Variants in OIT3 observed in about 807,000 individuals in gnomAD.
The protein encoded by OIT3 is oncoprotein-induced transcript 3 protein.
A neutral mutation model predicts 52.2 loss-of-function variants in OIT3; 41 were observed. That is an observed-to-expected ratio of 0.79 (90% CI 0.61 to 1.02). OIT3 has a LOEUF of 1.02. Ranked by LOEUF, OIT3 falls within the 50% of genes least tolerant of loss-of-function variation. OIT3 has a pLI of 0.00. For synonymous variants in OIT3, 244 were observed against 276.9 expected, an observed-to-expected ratio of 0.88 and a Z score of 1.18; for missense variants, 634 against 715.5, an observed-to-expected ratio of 0.89 and a Z score of 1.30.
chr10:72,920,004 A>G (rs1846107921), intron 6 of OIT3, among the ~76,000 whole-genome samples: 1 of 152,170 alleles, frequency 6.6e-6, no homozygotes, highest in African/African-American at 2.4e-5. Flanking sequence ...ATTTTTTGAA[A>G]TAGTTTCAGT....
intron 7 of OIT3, 89 bp from the exon 8 acceptor site, chr10:72,930,449 G>T (rs775832712): frequency 4.2e-6 from 4 of 954,924 alleles, no homozygotes; most frequent in Non-Finnish European, 6.8e-6. Context: ...CACCCCTTTG[G>T]CTCTCCTTGG....
At chr10:72,916,443 G>A (rs556439484) in intron 6 of OIT3, among the ~76,000 whole-genome samples, 1 of 152,246 alleles carries the variant, frequency 6.6e-6, no homozygotes, top group East Asian at 1.9e-4. Context: ...TTCTGTTCCT[G>A]TGTTAGTTGG....
intron 7 of OIT3, among the ~76,000 whole-genome samples, chr10:72,929,185 G>A (rs1846193722): frequency 6.6e-6 from 1 of 151,964 alleles, no homozygotes; most frequent in Non-Finnish European, 1.5e-5. Flanking sequence ...CTGGGCAACA[G>A]TGAGACCCTG....
intron 5 of OIT3, among the ~76,000 whole-genome samples, 172 bp downstream of exon 5, chr10:72,912,011 T>A (rs1477185777): frequency 2.6e-5 from 4 of 152,158 alleles, no homozygotes; most frequent in Admixed American, 1.3e-4. Context: ...ACAGAGAAGA[T>A]CTCTAAGAAA....
At chr10:72,910,935 A>C (rs1846023349) in intron 4 of OIT3, among the ~76,000 whole-genome samples, 1 of 152,226 alleles carries the variant, frequency 6.6e-6, no homozygotes, top group Non-Finnish European at 1.5e-5. Flanking sequence ...GCAGATTAGA[A>C]TTTGACAACC....
intron 1 of OIT3, 44 bp downstream of exon 1, chr10:72,893,903 T>G: frequency 2.0e-6 from 3 of 1,479,600 alleles, no homozygotes; most frequent in Non-Finnish European, 2.8e-6. Flanking sequence ...CTTTTTGTTG[T>G]GGCAATTTGC....
chr10:72,914,801 A>C (rs1391098520), intron 6 of OIT3, among the ~76,000 whole-genome samples: 1 of 152,162 alleles, frequency 6.6e-6, no homozygotes, highest in Non-Finnish European at 1.5e-5. Context: ...TTCTGCATAG[A>C]TCAGGTATTA....
At chr10:72,927,090 T>C (rs1395279442) in intron 7 of OIT3, among the ~76,000 whole-genome samples, 1 of 152,196 alleles carries the variant, frequency 6.6e-6, no homozygotes, top group Non-Finnish European at 1.5e-5. Context: ...TGAAACTTAT[T>C]TATATATGCA....
Position 72,906,632 on chromosome 10 carries a change from G to A in OIT3, c.581G>A (p.Ser194Asn). 1.2e-6 allele frequency: 2 copies of A among 1,613,954 alleles called. No homozygotes were observed. Among genetic ancestry groups the A allele is most frequent in the South Asian group, 1.1e-5 (1 of 91,066 alleles). ...NECEQNNGGC[S>N]EICVNLKNSY... ...TGTGAGCAAAACAACGGTGGCTGCA[G>A]TGAGATCTGTGTGAACCTCAAAAAC... The change falls in exon 4 of 9, where the codon AGT (serine) becomes AAT (asparagine). Residue 194 changes from serine (S) to asparagine (N), a missense_variant. Physicochemically the swap from Ser to Asn is conservative, Grantham distance 46 (BLOSUM62 1). Coordinates refer to ENST00000334011, the MANE Select transcript of OIT3 (RefSeq NM_152635.3).
At chr10:72,900,639 C>A (rs577001131) in intron 3 of OIT3, among the ~76,000 whole-genome samples, 155 bp downstream of exon 3, 1 of 152,294 alleles carries the variant, frequency 6.6e-6, no homozygotes, top group South Asian at 2.1e-4. Flanking sequence ...CCGAAAGCCC[C>A]ACGCCAAATT....
chr10:72,899,703 TGATAGATAGATAGATAGATAGATA>T (rs373777568), intron 2 of OIT3, among the ~76,000 whole-genome samples: 34 of 144,958 alleles, frequency 2.3e-4, no homozygotes, highest in South Asian at 1.1e-3. Flanking sequence ...GATAGATAGA[TGATAGATAGATAGATAGATAGATA>T]GATAGATAGA....
intron 8 of OIT3, among the ~76,000 whole-genome samples, chr10:72,930,857 C>A (rs372664371): frequency 6.6e-6 from 1 of 151,876 alleles, no homozygotes; most frequent in Admixed American, 6.6e-5. Flanking sequence ...ATACCACCTG[C>A]CAAAATAACT....
Position 72,895,354 on chromosome 10 carries a change from C to T in OIT3, c.61+1495C>T, listed in dbSNP as rs958156996. On this transcript the variant is annotated intron_variant, in intron 1 of 8. Transcript: ENST00000334011. ...TCTAGTACCTCCTATATTCCCCATT[C>T]TTTCCATATACCATCGCCCTTCCCA... Among the ~76,000 whole-genome samples the T allele has an allele frequency of 9.8e-5, 15 of 152,310 alleles. 1 individual carries two copies. The South Asian group carries it at 3.1e-3, about 32-fold the overall frequency.
At chr10:72,918,533 A>T in intron 6 of OIT3, 1 of 1,414,900 alleles carries the variant, frequency 7.1e-7, no homozygotes, top group Non-Finnish European at 9.9e-7. Flanking sequence ...CGAATCTTCC[A>T]TCGGGTGGCG....
intron 2 of OIT3, 50 bp downstream of exon 2, chr10:72,899,088 G>T: frequency 6.5e-7 from 1 of 1,532,654 alleles, no homozygotes; most frequent in Non-Finnish European, 8.8e-7. Context: ...GCCACAGGTG[G>T]AGTCCAAAAG....
At chr10:72,929,866 T>G (rs1242764709) in intron 7 of OIT3, among the ~76,000 whole-genome samples, 1 of 152,162 alleles carries the variant, frequency 6.6e-6, no homozygotes, top group Non-Finnish European at 1.5e-5. Flanking sequence ...TTCCCCCAGC[T>G]AACCCTGAAG....
At chr10:72,895,278 C>T (rs945369756) in intron 1 of OIT3, among the ~76,000 whole-genome samples, 2 of 152,148 alleles carry the variant, frequency 1.3e-5, no homozygotes, top group African/African-American at 4.8e-5. Flanking sequence ...GTTGTCCTCC[C>T]GAAAATCTCC....
At chr10:72,909,730 G>A (rs1186195253) in intron 4 of OIT3, among the ~76,000 whole-genome samples, 1 of 152,028 alleles carries the variant, frequency 6.6e-6, no homozygotes, top group Non-Finnish European at 1.5e-5. Context: ...CCCAGTAGCT[G>A]GGATTATAGG....
rs200331368 is a variant in OIT3, at chr10:72,909,471, TG to T, written c.668-2245del. Among the ~76,000 whole-genome samples, 1,432 of 152,220 alleles carry T rather than the reference TG, an allele frequency of 9.4e-3. 22 individuals carry two copies. The highest frequency in any genetic ancestry group is 0.033 in the African/African-American group (1,360 of 41,540). The stretch of plus-strand genomic sequence containing the variant: ...TATTTGTCCCATCTTTATGTCTGTG[TG>T]TACCCATTGTTTAGCTCTCACTTAC... On this transcript the variant is annotated intron_variant, in intron 4 of 8. Coordinates refer to ENST00000334011, the MANE Select transcript of OIT3 (RefSeq NM_152635.3).
Sources: gnomAD v4.1 joint callset for allele counts (sites outside exome capture counted in the v4.1 genomes callset) on GRCh38, gnomAD v4.1.1 for gene constraint, MANE v1.5 for transcripts, NCBI Gene and HGNC (gene_info 2026-07-23, HGNC 2026-07-21) for gene names.